Variants in FAM83B observed in about 807,000 individuals in gnomAD.
The protein encoded by FAM83B is scaffolding CK1 anchoring protein B, also known as protein FAM83B.
A neutral mutation model predicts 38.8 loss-of-function variants in FAM83B; 26 were observed. The ratio of observed to expected loss-of-function variants is 0.67; its 90% CI spans 0.49 to 0.93. FAM83B has a LOEUF of 0.93. Ranked by LOEUF, FAM83B falls within the 40% of genes least tolerant of loss-of-function variation. The pLI, the probability that FAM83B is intolerant of heterozygous loss-of-function variation, is 0.00. For synonymous variants in FAM83B, 419 were observed against 423.1 expected, an observed-to-expected ratio of 0.99 and a Z score of 0.12; for missense variants, 1,237 against 1,197.3, an observed-to-expected ratio of 1.03 and a Z score of -0.49.
rs1773678790 is a variant in FAM83B at position 54,941,174 on chromosome 6, A to C, written c.2203A>C (p.Thr735Pro). 6.2e-7 allele frequency: 1 copy of C among 1,613,982 alleles called. No individual in the cohort carries two copies. The highest frequency in any genetic ancestry group is 1.7e-5 in the Admixed American group (1 of 59,978). The change falls in exon 5 of 5, where the codon ACC becomes CCC. Residue 735 changes from threonine to proline, a missense_variant. Physicochemically the swap from Thr to Pro is conservative, Grantham distance 38. Transcript: ENST00000306858. ...TKRNSPSGTT[T>P]KSVSIAALLD... Reference sequence around the variant, plus strand: ...GAGAAACTCTCCAAGTGGCACTACTACCAAATCAGTTTCCATTGCTGCTTT... The same window carrying C: ...GAGAAACTCTCCAAGTGGCACTACTCCCAAATCAGTTTCCATTGCTGCTTT...
intron 1 of FAM83B, among the ~76,000 whole-genome samples, chr6:54,850,409 G>GGTTT (rs1771244435): frequency 1.3e-5 from 2 of 152,088 alleles, no homozygotes; most frequent in South Asian, 4.1e-4. Flanking sequence ...TGTTAACTAA[G>GGTTT]GTTTCCCCAC....
At chr6:54,921,977 G>A (rs138215259) in intron 2 of FAM83B, among the ~76,000 whole-genome samples, 1 of 152,198 alleles carries the variant, frequency 6.6e-6, no homozygotes, top group Non-Finnish European at 1.5e-5. Context: ...CACATCAAGT[G>A]AGAGTACAAA....
intron 1 of FAM83B, among the ~76,000 whole-genome samples, chr6:54,865,055 A>G (rs1771667740): frequency 6.6e-6 from 1 of 152,244 alleles, no homozygotes; most frequent in Non-Finnish European, 1.5e-5. Flanking sequence ...GTTTATTTAA[A>G]AATTTTGAAG....
intron 2 of FAM83B, among the ~76,000 whole-genome samples, chr6:54,906,053 GA>G (rs61141294): frequency 0.065 from 8,325 of 128,782 alleles, 702 homozygotes; most frequent in African/African-American, 0.2. Flanking sequence ...CCTACTATTC[GA>G]AAAAAAAAAA....
intron 2 of FAM83B, among the ~76,000 whole-genome samples, chr6:54,918,790 G>T (rs1284472224): frequency 5.9e-5 from 9 of 152,096 alleles, no homozygotes; most frequent in Admixed American, 5.9e-4. Flanking sequence ...AAAGTTGGGG[G>T]CATTTTAATT....
At chr6:54,883,423 C>T (rs1194395766) in intron 2 of FAM83B, among the ~76,000 whole-genome samples, 3 of 148,806 alleles carry the variant, frequency 2.0e-5, no homozygotes, top group Admixed American at 6.8e-5. Flanking sequence ...CAACCTCCGC[C>T]TCCCAGGTTC....
intron 1 of FAM83B, among the ~76,000 whole-genome samples, chr6:54,855,806 A>G (rs778070023): frequency 2.0e-5 from 3 of 152,248 alleles, no homozygotes; most frequent in East Asian, 1.9e-4. Context: ...GTGTGGATGT[A>G]TCACACACAG....
intron 1 of FAM83B, among the ~76,000 whole-genome samples, chr6:54,865,967 C>CATAATA (rs3064911): frequency 5.3e-4 from 78 of 148,028 alleles, no homozygotes; most frequent in Middle Eastern, 3.5e-3. Context: ...GTAAAATAGT[C>CATAATA]ATAATAATAA....
intron 1 of FAM83B, among the ~76,000 whole-genome samples, chr6:54,865,446 C>T (rs1431216580): frequency 6.6e-6 from 1 of 152,130 alleles, no homozygotes; most frequent in Non-Finnish European, 1.5e-5. Context: ...ATTACATCTG[C>T]AAAGACCCTA....
chr6:54,888,286 G>C, intron 2 of FAM83B, among the ~76,000 whole-genome samples: 1 of 145,734 alleles, frequency 6.9e-6, no homozygotes, highest in Non-Finnish European at 1.5e-5. Flanking sequence ...ATTGTTTTAA[G>C]TTATCAATAT....
At chr6:54,866,580 GA>G (rs1771711304) in intron 1 of FAM83B, among the ~76,000 whole-genome samples, 1 of 152,056 alleles carries the variant, frequency 6.6e-6, no homozygotes. Context: ...TAATTCTCTG[GA>G]GAGTCATCCA....
At chr6:54,880,599 C>T (rs1772111280) in intron 2 of FAM83B, among the ~76,000 whole-genome samples, 1 of 151,932 alleles carries the variant, frequency 6.6e-6, no homozygotes, top group Admixed American at 6.6e-5. Flanking sequence ...TGTGCGCCAC[C>T]ATGCCTTGCT....
intron 2 of FAM83B, among the ~76,000 whole-genome samples, chr6:54,916,509 A>G (rs1056417739): frequency 6.6e-6 from 1 of 152,180 alleles, no homozygotes; most frequent in East Asian, 1.9e-4. Context: ...ATTTCATTTT[A>G]TAGTGCCAAT....
chr6:54,883,094 C>T (rs182212057), intron 2 of FAM83B, among the ~76,000 whole-genome samples: 25 of 151,934 alleles, frequency 1.6e-4, no homozygotes, highest in South Asian at 1.2e-3. Context: ...CCCACCACCA[C>T]GCCCGGCTAA....
At chr6:54,904,857 A>C (rs569256050) in intron 2 of FAM83B, among the ~76,000 whole-genome samples, 2 of 152,314 alleles carry the variant, frequency 1.3e-5, no homozygotes, top group South Asian at 4.1e-4. Context: ...GAAGCAGAGA[A>C]AAAATATATT....
intron 2 of FAM83B, among the ~76,000 whole-genome samples, chr6:54,889,516 A>G (rs1772354856): frequency 6.6e-6 from 1 of 152,092 alleles, no homozygotes; most frequent in Non-Finnish European, 1.5e-5. Context: ...ATCCATGAAT[A>G]GGCCTTTATA....
chr6:54,895,971 C>T (rs890874199), intron 2 of FAM83B, among the ~76,000 whole-genome samples: 1 of 152,076 alleles, frequency 6.6e-6, no homozygotes, highest in Non-Finnish European at 1.5e-5. Context: ...CTGTAACCTC[C>T]ACCTCTGCCT....
At chr6:54,933,339 G>A (rs1157239961) in intron 4 of FAM83B, among the ~76,000 whole-genome samples, 1 of 151,424 alleles carries the variant, frequency 6.6e-6, no homozygotes, top group East Asian at 1.9e-4. Flanking sequence ...TCATTCCATT[G>A]GTATGTCATT....
rs532773245 is a variant in FAM83B at position 54,863,634 on chromosome 6, T to C, written c.-60-6553T>C. Among the ~76,000 whole-genome samples the C allele has an allele frequency of 1.2e-4, 18 of 152,330 alleles. 1 individual carries two copies. The South Asian group carries it at 2.5e-3, about 21-fold the overall frequency. ...CTCTTTGGACTAAAAGTTCCAATTT[T>C]TCAACTATTCTTCATGACATAATGG... On this transcript the variant is annotated intron_variant, in intron 1 of 4. Coordinates refer to ENST00000306858, the MANE Select transcript of FAM83B (RefSeq NM_001010872.3).
Sources: allele counts gnomAD v4.1 joint callset (sites outside exome capture counted in the v4.1 genomes callset), GRCh38; gene constraint gnomAD v4.1.1; transcripts MANE v1.5; gene names NCBI Gene and HGNC (gene_info 2026-07-23, HGNC 2026-07-21).